TTC28: variants seen among roughly 807,000 people sequenced by gnomAD.
TTC28 encodes tetratricopeptide repeat protein 28.
In TTC28, 61 loss-of-function variants were observed where a neutral mutation model predicts 198.0. The observed-to-expected ratio is 0.31, with a 90% CI of 0.25 to 0.38. The LOEUF is 0.38. Ranked by LOEUF, TTC28 falls within the 10% of genes least tolerant of loss-of-function variation. The probability of loss-of-function intolerance (pLI) is 1.00; values close to 1 mark genes in which losing one functional copy is unlikely to be tolerated. For synonymous variants in TTC28, 1,171 were observed against 1,297.8 expected (o/e 0.90, Z 2.10); for missense variants, 2,678 against 3,164.0 (o/e 0.85, Z 3.69).
chr22:28,131,044 C>T (rs891854650), intron 6 of TTC28, among the ~76,000 whole-genome samples: 1 of 152,154 alleles, frequency 6.6e-6, no homozygotes, highest in Non-Finnish European at 1.5e-5. Flanking sequence ...ATGGCAATAG[C>T]CAGGGTAGCC....
chr22:28,320,051 T>A (rs186263354), intron 2 of TTC28, among the ~76,000 whole-genome samples: 1 of 152,306 alleles, frequency 6.6e-6, no homozygotes, highest in Admixed American at 6.5e-5. Flanking sequence ...TTTGCTTCAC[T>A]GTTTTTTTCC....
chr22:28,585,896 C>T (rs2050308360), intron 2 of TTC28, among the ~76,000 whole-genome samples: 1 of 151,718 alleles, frequency 6.6e-6, no homozygotes, highest in Non-Finnish European at 1.5e-5. Flanking sequence ...TTGATGGGTT[C>T]AGCAAACCAC....
intron 2 of TTC28, among the ~76,000 whole-genome samples, chr22:28,497,187 T>C (rs923444709): frequency 3.9e-5 from 6 of 152,192 alleles, no homozygotes; most frequent in African/African-American, 7.2e-5. Context: ...CTTTCCCCCT[T>C]AGACTCTGGG....
intron 1 of TTC28, among the ~76,000 whole-genome samples, chr22:28,669,809 A>AAAGAAAAATTTTTTTCTT (rs2051849686): frequency 6.6e-6 from 1 of 152,136 alleles, no homozygotes; most frequent in Non-Finnish European, 1.5e-5. Flanking sequence ...CTTTTAGGAG[A>AAAGAAAAATTTTTTTCTT]TGTAAGAGAG....
At chr22:28,049,586 C>CT (rs1940001609) in intron 12 of TTC28, among the ~76,000 whole-genome samples, 1 of 152,210 alleles carries the variant, frequency 6.6e-6, no homozygotes, top group Non-Finnish European at 1.5e-5. Context: ...TACTCCTTCC[C>CT]TTCCCCCAGC....
In TTC28 at chr22:28,642,840, A is replaced by C. The variant is rs573518649; in HGVS notation, c.103-13010T>G. On this transcript the variant is annotated intron_variant, in intron 1 of 22. Transcript: ENST00000397906. The stretch of plus-strand genomic sequence containing the variant: ...ATGTGGTCGTTTAATTTTTTATTTT[A>C]CTTAAATAAAATTAAAGATTCAGTT... 2.0e-5 allele frequency: 3 copies of C among 151,924 alleles called. No homozygotes were observed. The East Asian group carries it at 5.9e-4, about 30-fold the overall frequency. 9.4% of individuals were successfully genotyped at this position (151,924 alleles called of 1,614,324 possible).
intron 2 of TTC28, among the ~76,000 whole-genome samples, chr22:28,610,233 C>T (rs1449145628): frequency 2.0e-5 from 3 of 152,198 alleles, no homozygotes; most frequent in African/African-American, 7.2e-5. Flanking sequence ...AGCATTCAAG[C>T]TCGGCTACAG....
intron 5 of TTC28, among the ~76,000 whole-genome samples, chr22:28,260,372 G>C (rs151193471): frequency 6.6e-6 from 1 of 152,004 alleles, no homozygotes; most frequent in Non-Finnish European, 1.5e-5. Flanking sequence ...GAAAAGAATG[G>C]GATTAAAAGT....
chr22:28,423,293 G>C (rs1261659208), intron 2 of TTC28, among the ~76,000 whole-genome samples: 1 of 152,180 alleles, frequency 6.6e-6, no homozygotes, highest in Non-Finnish European at 1.5e-5. Flanking sequence ...AGGAGGCTGA[G>C]GCAGGAGGAT....
At chr22:28,052,710 T>C (rs543508519) in intron 12 of TTC28, among the ~76,000 whole-genome samples, 3 of 152,352 alleles carry the variant, frequency 2.0e-5, no homozygotes, top group African/African-American at 4.8e-5. Context: ...AGTGTTTTAT[T>C]TCCTTATGTA....
chr22:28,365,713 T>C (rs1569285078), intron 2 of TTC28, among the ~76,000 whole-genome samples: 1 of 152,240 alleles, frequency 6.6e-6, no homozygotes, highest in Non-Finnish European at 1.5e-5. Context: ...CATGTACACA[T>C]GCATATTTGT....
chr22:28,613,767 A>AT (rs2050857958), intron 2 of TTC28, among the ~76,000 whole-genome samples: 1 of 152,244 alleles, frequency 6.6e-6, no homozygotes, highest in Admixed American at 6.5e-5. Flanking sequence ...AAAACTCTCA[A>AT]TAAACTAGGT....
At chr22:28,462,482 T>A (rs2047963707) in intron 2 of TTC28, among the ~76,000 whole-genome samples, 1 of 152,180 alleles carries the variant, frequency 6.6e-6, no homozygotes, top group Admixed American at 6.5e-5. Context: ...CTTTGTTCAT[T>A]GAGATTTGGG....
chr22:28,400,838 A>G (rs1426799083), intron 2 of TTC28, among the ~76,000 whole-genome samples: 1 of 152,180 alleles, frequency 6.6e-6, no homozygotes, highest in Non-Finnish European at 1.5e-5. Context: ...TAGTATTATT[A>G]TTTTAGTCTT....
At position 28,106,953 on chromosome 22, in the gene TTC28, G is replaced by A. The variant is rs573887145; in HGVS notation, c.2783+109C>T. ...TGGAGGAATCAGATGAGATATGTAC[G>A]AAAATGTTTGTAGTTAACAAACTGC... On this transcript the variant is annotated intron_variant, in intron 7 of 22. Coordinates refer to ENST00000397906, the MANE Select transcript of TTC28 (RefSeq NM_001145418.2). The A allele has an allele frequency of 1.6e-4, 218 of 1,369,964 alleles. 1 individual carries two copies. The African/African-American group carries it at 2.3e-3, about 14-fold the overall frequency. The allele number at this position is 1,369,964 out of a possible 1,614,324, so 84.9% of individuals were successfully genotyped here.
At chr22:28,327,179 T>C (rs1280387090) in intron 2 of TTC28, among the ~76,000 whole-genome samples, 1 of 152,214 alleles carries the variant, frequency 6.6e-6, no homozygotes, top group Non-Finnish European at 1.5e-5. Flanking sequence ...ATTATGTGAC[T>C]AGACATAAAT....
chr22:28,104,071 T>C (rs1942230116), intron 8 of TTC28, among the ~76,000 whole-genome samples: 1 of 152,180 alleles, frequency 6.6e-6, no homozygotes, highest in Admixed American at 6.5e-5. Context: ...CCTGGTCTGT[T>C]GCAAAGGAGA....
rs199918327 is a variant in TTC28, at chr22:28,386,825, TTTTTG to T, written c.382-80187_382-80183del. On this transcript the variant is annotated intron_variant, in intron 2 of 22. Coordinates refer to ENST00000397906, the MANE Select transcript of TTC28 (RefSeq NM_001145418.2). ...AGCTTTCTTATAGTTTTTTTTTGTT[TTTTTG>T]TTTTGTTTTGTTTTAAGTTATTATT... is the stretch of plus-strand genomic sequence containing the variant. Among the ~76,000 whole-genome samples, 633 of 152,220 alleles carry T rather than the reference TTTTTG, an allele frequency of 4.2e-3. 1 individual carries two copies. The highest frequency in any genetic ancestry group is 0.011 in the East Asian group (54 of 5,136).
At chr22:28,178,603 T>A (rs1369389843) in intron 5 of TTC28, among the ~76,000 whole-genome samples, 3 of 152,164 alleles carry the variant, frequency 2.0e-5, no homozygotes, top group Admixed American at 6.5e-5. Context: ...GAGTGTGTTA[T>A]GATTGGAGAA....
Sources: gnomAD v4.1 joint callset for allele counts (sites outside exome capture counted in the v4.1 genomes callset) on GRCh38, gnomAD v4.1.1 for gene constraint, MANE v1.5 for transcripts, NCBI Gene and HGNC (gene_info 2026-07-23, HGNC 2026-07-21) for gene names.